The following NAA11 variants were observed in gnomAD, a reference collection of about 807,000 sequenced individuals.
NAA11 encodes N-alpha-acetyltransferase 11, NatA catalytic subunit.
A neutral mutation model predicts 16.1 loss-of-function variants in NAA11; 15 were observed. That is an observed-to-expected ratio of 0.93 (90% CI 0.62 to 1.44). The LOEUF (loss-of-function observed/expected upper bound fraction) is 1.44, where lower values mean the gene tolerates loss of function less well. Among genes scored for constraint, NAA11 ranks in the 40% most tolerant of loss-of-function variants. The pLI is 0.00. For missense variants in NAA11, 298 were observed against 291.3 expected (o/e 1.02, Z -0.17); for synonymous variants, 122 against 112.4 (o/e 1.09, Z -0.54).
the NAA11 span, among the ~76,000 whole-genome samples, chr4:79,200,722 C>T: frequency 6.6e-6 from 1 of 151,714 alleles, no homozygotes; most frequent in South Asian, 2.1e-4. Context: ...TTGAGTTTTC[C>T]TGTCATTGAT....
chr4:79,215,231 G>C, the NAA11 span, among the ~76,000 whole-genome samples: 1 of 152,122 alleles, frequency 6.6e-6, no homozygotes, highest in Non-Finnish European at 1.5e-5. Context: ...AATATGCCTT[G>C]TATTACAGAT....
At chr4:79,306,215 A>T (rs532592695) in intron 1 of NAA11, among the ~76,000 whole-genome samples, 15 of 152,302 alleles carry the variant, frequency 9.8e-5, no homozygotes, top group African/African-American at 3.4e-4. Flanking sequence ...CAAGAAAGAG[A>T]ACTGTATTGC....
rs867802102 is a variant in NAA11 at position 79,272,565 on chromosome 4, A to G, written c.*122+21440T>C. Among the ~76,000 whole-genome samples the G allele has an allele frequency of 2.7e-3, 412 of 152,130 alleles. 5 individuals carry two copies. The highest frequency in any genetic ancestry group is 9.5e-3 in the African/African-American group (396 of 41,540). On this transcript the variant is annotated intron_variant and NMD_transcript_variant, in intron 2 of 2. Coordinates refer to the NAA11 transcript ENST00000511542. The stretch of plus-strand genomic sequence containing the variant: ...GAGTAAGGTGCATTATAAGCCCTTA[A>G]CTTTTGTCTTTTTGTTTCTTTTGAT...
At chr4:79,209,994 T>G in the NAA11 span, among the ~76,000 whole-genome samples, 1 of 152,076 alleles carries the variant, frequency 6.6e-6, no homozygotes, top group Non-Finnish European at 1.5e-5. Flanking sequence ...TGCAGTGAGC[T>G]GAGATCACGC....
the NAA11 span, among the ~76,000 whole-genome samples, chr4:79,189,005 G>A: frequency 1.3e-5 from 2 of 151,888 alleles, no homozygotes; most frequent in African/African-American, 2.4e-5. Flanking sequence ...GCCGAGCCGG[G>A]CGTGGTGGCA....
the NAA11 span, among the ~76,000 whole-genome samples, chr4:79,167,254 C>CATATATATAT: frequency 1.4e-4 from 16 of 112,888 alleles, no homozygotes; most frequent in African/African-American, 5.7e-4. Context: ...CACACACCCA[C>CATATATATAT]ATATATATAT....
intron 2 of NAA11, among the ~76,000 whole-genome samples, chr4:79,281,203 T>G (rs1367583225): frequency 1.3e-5 from 2 of 151,514 alleles, no homozygotes; most frequent in African/African-American, 2.4e-5. Flanking sequence ...ATGGCAAACA[T>G]GGGCAGTCTG....
At chr4:79,240,652 C>A (rs1387885941) in intron 2 of NAA11, among the ~76,000 whole-genome samples, 4 of 152,112 alleles carry the variant, frequency 2.6e-5, no homozygotes, top group Admixed American at 2.6e-4. Flanking sequence ...GGAGATGAGA[C>A]TGCCAACTAG....
the NAA11 span, among the ~76,000 whole-genome samples, chr4:79,204,448 G>T: frequency 6.6e-6 from 1 of 151,548 alleles, no homozygotes; most frequent in Admixed American, 6.6e-5. Flanking sequence ...TGAATTGTGT[G>T]CCCCCAAAAT....
intron 2 of NAA11, among the ~76,000 whole-genome samples, chr4:79,241,594 C>T (rs548271505): frequency 6.6e-6 from 1 of 152,188 alleles, no homozygotes; most frequent in Admixed American, 6.5e-5. Context: ...ATATACTAGT[C>T]GGTGGAGATT....
chr4:79,255,482 T>C (rs941443498), intron 2 of NAA11, among the ~76,000 whole-genome samples: 7 of 152,236 alleles, frequency 4.6e-5, no homozygotes, highest in African/African-American at 7.2e-5. Context: ...GCTGGTGTTC[T>C]TTTGGTTAGT....
chr4:79,204,928 T>TATAC, the NAA11 span, among the ~76,000 whole-genome samples: 1,871 of 147,878 alleles, frequency 0.013, 48 homozygotes, highest in African/African-American at 0.042. Context: ...ATGGTGTGTA[T>TATAC]ACACACACAC....
At chr4:79,232,209 T>C (rs995517275) in intron 2 of NAA11, among the ~76,000 whole-genome samples, 5 of 151,958 alleles carry the variant, frequency 3.3e-5, no homozygotes, top group African/African-American at 9.7e-5. Flanking sequence ...TGGGACTAAG[T>C]ACATGGTATA....
intron 2 of NAA11, among the ~76,000 whole-genome samples, chr4:79,259,366 C>A (rs1722198621): frequency 6.6e-6 from 1 of 152,186 alleles, no homozygotes; most frequent in Non-Finnish European, 1.5e-5. Context: ...TTGTGGTGTA[C>A]CTGGTCTAGC....
At chr4:79,318,391 T>C (rs1723990597) in intron 1 of NAA11, among the ~76,000 whole-genome samples, 1 of 152,186 alleles carries the variant, frequency 6.6e-6, no homozygotes, top group Non-Finnish European at 1.5e-5. Context: ...AGAGGAATCA[T>C]ACATACATTA....
At chr4:79,285,217 G>C (rs933756616) in intron 2 of NAA11, among the ~76,000 whole-genome samples, 6 of 152,078 alleles carry the variant, frequency 3.9e-5, no homozygotes, top group Non-Finnish European at 8.8e-5. Context: ...GCACATGAGA[G>C]CATTTTGAAG....
rs72870858 is a variant in NAA11 at position 79,281,316 on chromosome 4, A to G, written c.*122+12689T>C. Among the ~76,000 whole-genome samples, 500 of 152,138 alleles carry G rather than the reference A, an allele frequency of 3.3e-3. 5 individuals are homozygous for G. The highest frequency in any genetic ancestry group is 0.011 in the African/African-American group (473 of 41,506). ...TCTCAAGGAGACAGTAAAGAATCCA[A>G]CTGTAGAAATGATGTGGCATAGATA... On this transcript the variant is annotated intron_variant and NMD_transcript_variant, in intron 2 of 2. Transcript: ENST00000511542.
At chr4:79,286,425 T>A (rs1722936236) in intron 2 of NAA11, among the ~76,000 whole-genome samples, 1 of 152,012 alleles carries the variant, frequency 6.6e-6, no homozygotes, top group African/African-American at 2.4e-5. Flanking sequence ...TTAAAGGAAG[T>A]GTTTATAGAT....
At chr4:79,180,710 C>T in the NAA11 span, among the ~76,000 whole-genome samples, 5 of 151,840 alleles carry the variant, frequency 3.3e-5, no homozygotes, top group East Asian at 9.7e-4. Context: ...TACCATTTGA[C>T]CCAGCCATCC....
Sources: allele counts gnomAD v4.1 joint callset (sites outside exome capture counted in the v4.1 genomes callset), GRCh38; gene constraint gnomAD v4.1.1; transcripts MANE v1.5; gene names NCBI Gene and HGNC (gene_info 2026-07-23, HGNC 2026-07-21).